SLC24A3: variants seen among roughly 807,000 people sequenced by gnomAD.
SLC24A3 encodes sodium/potassium/calcium exchanger 3.
SLC24A3 carries 28 observed loss-of-function variants against 75.8 expected under a neutral mutation model. The observed-to-expected ratio is 0.37, with a 90% confidence interval of 0.27 to 0.51. SLC24A3 has a LOEUF of 0.51. SLC24A3 is among the 20% of genes least tolerant of loss of function. The pLI is 0.94. For synonymous variants in SLC24A3, 372 were observed against 334.1 expected (o/e 1.11, Z -1.24); for missense variants, 663 against 847.8 (o/e 0.78, Z 2.71).
chr20:19,533,275 C>G (rs1183313183), intron 3 of SLC24A3, among the ~76,000 whole-genome samples: 1 of 152,162 alleles, frequency 6.6e-6, no homozygotes, highest in Non-Finnish European at 1.5e-5. Flanking sequence ...CAGGTGGCTT[C>G]TCTCTCTAAC....
At chr20:19,296,671 G>T (rs1211723483) in intron 2 of SLC24A3, among the ~76,000 whole-genome samples, 1 of 152,158 alleles carries the variant, frequency 6.6e-6, no homozygotes, top group Non-Finnish European at 1.5e-5. Flanking sequence ...ATACCCCACT[G>T]TCAATATTAG....
intron 16 of SLC24A3, among the ~76,000 whole-genome samples, chr20:19,719,167 CTAA>C (rs1221325838): frequency 1.3e-5 from 2 of 151,814 alleles, no homozygotes; most frequent in Non-Finnish European, 2.9e-5. Flanking sequence ...ACCATTGGTG[CTAA>C]TGAGAGGGTA....
intron 2 of SLC24A3, among the ~76,000 whole-genome samples, chr20:19,374,344 T>C (rs994671412): frequency 2.0e-5 from 3 of 152,194 alleles, no homozygotes; most frequent in African/African-American, 7.2e-5. Context: ...GACAAATGTT[T>C]TCCCTGAGCT....
chr20:19,684,532 A>G (rs2032651448), intron 11 of SLC24A3, among the ~76,000 whole-genome samples, 196 bp downstream of exon 11: 2 of 152,206 alleles, frequency 1.3e-5, no homozygotes, highest in Admixed American at 6.5e-5. Context: ...GTGTTGAGAC[A>G]TGGACTAATT....
intron 2 of SLC24A3, among the ~76,000 whole-genome samples, chr20:19,364,719 T>C (rs774781014): frequency 1.3e-5 from 2 of 152,074 alleles, no homozygotes; most frequent in Non-Finnish European, 2.9e-5. Flanking sequence ...TCTCCCAACA[T>C]GCTGGGATTA....
intron 2 of SLC24A3, among the ~76,000 whole-genome samples, chr20:19,325,785 TATATATATATAGAGAG>T (rs1387690878): frequency 3.2e-5 from 3 of 95,148 alleles, no homozygotes; most frequent in Admixed American, 1.2e-4. Flanking sequence ...TACATATATA[TATATATATATAGAGAG>T]AGAGAGAGAG....
At chr20:19,278,758 C>T (rs558906250) in intron 1 of SLC24A3, among the ~76,000 whole-genome samples, 20 of 152,266 alleles carry the variant, frequency 1.3e-4, no homozygotes, top group Middle Eastern at 6.8e-3. Flanking sequence ...GACTCCACAT[C>T]CTTCCTCCAT....
chr20:19,385,502 T>A (rs1986257101), intron 2 of SLC24A3, among the ~76,000 whole-genome samples: 1 of 152,234 alleles, frequency 6.6e-6, no homozygotes, highest in Non-Finnish European at 1.5e-5. Flanking sequence ...CCTGTGTGTC[T>A]GTTTTTATGC....
intron 6 of SLC24A3, among the ~76,000 whole-genome samples, chr20:19,614,812 A>G (rs1405821927): frequency 6.6e-6 from 1 of 152,226 alleles, no homozygotes; most frequent in Admixed American, 6.5e-5. Context: ...TGCTAAGAAC[A>G]CTAAGACTGG....
chr20:19,487,382 A>G (rs1332819853), intron 2 of SLC24A3, among the ~76,000 whole-genome samples: 3 of 152,126 alleles, frequency 2.0e-5, no homozygotes, highest in East Asian at 3.9e-4. Flanking sequence ...CATATTTACC[A>G]TTCCATTTTC....
intron 2 of SLC24A3, among the ~76,000 whole-genome samples, chr20:19,322,715 G>T (rs1185128145): frequency 6.6e-6 from 1 of 152,134 alleles, no homozygotes; most frequent in Non-Finnish European, 1.5e-5. Flanking sequence ...GCACACACAG[G>T]AGATGCAATT....
chr20:19,395,206 C>T (rs919197062), intron 2 of SLC24A3, among the ~76,000 whole-genome samples: 1 of 152,048 alleles, frequency 6.6e-6, no homozygotes, highest in Non-Finnish European at 1.5e-5. Context: ...GGGGAGCTAC[C>T]GTGTAATGGT....
intron 6 of SLC24A3, among the ~76,000 whole-genome samples, chr20:19,624,674 G>A (rs2031846318): frequency 6.6e-6 from 1 of 152,078 alleles, no homozygotes; most frequent in Non-Finnish European, 1.5e-5. Flanking sequence ...CAAGGGGCTG[G>A]GAATCACATT....
At chr20:19,331,943 T>C (rs533756413) in intron 2 of SLC24A3, among the ~76,000 whole-genome samples, 26 of 152,260 alleles carry the variant, frequency 1.7e-4, no homozygotes, top group African/African-American at 4.8e-4. Context: ...GAGTCATTCC[T>C]ATAACCAGCC....
chr20:19,272,882 G>A (rs1036730688), intron 1 of SLC24A3, among the ~76,000 whole-genome samples: 2 of 152,296 alleles, frequency 1.3e-5, no homozygotes, highest in African/African-American at 2.4e-5. Context: ...TACAACCTGC[G>A]GGTGGGGGTC....
At chr20:19,434,539 T>C (rs1600479941) in intron 2 of SLC24A3, among the ~76,000 whole-genome samples, 2 of 151,702 alleles carry the variant, frequency 1.3e-5, no homozygotes, top group Non-Finnish European at 2.9e-5. Context: ...TGGTGACAAA[T>C]GATTTTTTTT....
intron 13 of SLC24A3, chr20:19,694,461 ACTAATT>A (rs2032781836): frequency 6.6e-6 from 1 of 152,182 alleles, no homozygotes; most frequent in Non-Finnish European, 1.5e-5. Flanking sequence ...ACCTGACACA[ACTAATT>A]CATAATCATC....
intron 3 of SLC24A3, among the ~76,000 whole-genome samples, chr20:19,544,388 G>C (rs919699321): frequency 6.6e-6 from 1 of 152,152 alleles, no homozygotes; most frequent in African/African-American, 2.4e-5. Flanking sequence ...TTAGTTCTGA[G>C]ACATTCCAGC....
intron 6 of SLC24A3, among the ~76,000 whole-genome samples, chr20:19,593,516 C>A (rs1356293110): frequency 4.6e-5 from 7 of 152,202 alleles, no homozygotes; most frequent in Non-Finnish European, 8.8e-5. Flanking sequence ...CATATGTGAA[C>A]TCATTTTGAT....
Sources: allele counts gnomAD v4.1 joint callset (sites outside exome capture counted in the v4.1 genomes callset), GRCh38; gene constraint gnomAD v4.1.1; transcripts MANE v1.5; gene names NCBI Gene and HGNC (gene_info 2026-07-23, HGNC 2026-07-21).